The following FLNB variants were observed in gnomAD, a reference collection of about 807,000 sequenced individuals.
FLNB encodes filamin B.
In FLNB, 111 loss-of-function variants were observed where a neutral mutation model predicts 250.6. That is an observed-to-expected ratio of 0.44 (90% CI 0.38 to 0.52). The LOEUF is 0.52. FLNB is among the 20% of genes least tolerant of loss of function. The pLI, the probability that FLNB is intolerant of heterozygous loss-of-function variation, is 0.00. For missense variants in FLNB, 2,869 were observed against 3,447.8 expected, an observed-to-expected ratio of 0.83 and a Z score of 4.20; for synonymous variants, 1,302 against 1,372.1, an observed-to-expected ratio of 0.95 and a Z score of 1.13.
chr3:58,010,253 C>G (rs1459216243), intron 1 of FLNB, among the ~76,000 whole-genome samples: 2 of 152,070 alleles, frequency 1.3e-5, no homozygotes, highest in East Asian at 1.9e-4. Flanking sequence ...CTATAGTGAC[C>G]CTAGTGACAG....
At chr3:58,016,180 C>T (rs1312526141) in intron 1 of FLNB, among the ~76,000 whole-genome samples, 1 of 121,636 alleles carries the variant, frequency 8.2e-6, no homozygotes, top group Admixed American at 9.4e-5. Context: ...CTGCCTGAGC[C>T]TCCCAAGTAG....
chr3:58,104,555 G>A (rs913777965), intron 10 of FLNB, among the ~76,000 whole-genome samples: 6 of 152,182 alleles, frequency 3.9e-5, no homozygotes, highest in African/African-American at 1.4e-4. Context: ...GTGTTTTCCA[G>A]CTCCCCTGGA....
chr3:58,111,096 C>T (rs1356317952), intron 16 of FLNB, among the ~76,000 whole-genome samples: 1 of 152,164 alleles, frequency 6.6e-6, no homozygotes, highest in Non-Finnish European at 1.5e-5. Flanking sequence ...ATGCAGTTAG[C>T]TTCTAGATAT....
intron 33 of FLNB, among the ~76,000 whole-genome samples, 182 bp downstream of exon 33, chr3:58,146,231 T>C (rs1395327118): frequency 6.6e-6 from 1 of 152,268 alleles, no homozygotes; most frequent in Non-Finnish European, 1.5e-5. Flanking sequence ...ACAGACATTT[T>C]TGAAGTCCTT....
chr3:58,019,465 T>G (rs1297998664), intron 1 of FLNB, among the ~76,000 whole-genome samples: 3 of 152,196 alleles, frequency 2.0e-5, no homozygotes, highest in Admixed American at 6.5e-5. Flanking sequence ...CCTCTGCCTC[T>G]TTCTTTTAGG....
chr3:58,055,366 A>G (rs867358646), intron 1 of FLNB, among the ~76,000 whole-genome samples: 1 of 152,102 alleles, frequency 6.6e-6, no homozygotes, highest in Non-Finnish European at 1.5e-5. Context: ...CAGGAGTAAC[A>G]TGAATGATTG....
intron 36 of FLNB, 30 bp downstream of exon 36, chr3:58,148,882 AGCTTGTG>A (rs1332614172): frequency 1.7e-5 from 27 of 1,593,462 alleles, no homozygotes; most frequent in African/African-American, 4.0e-5. Context: ...AGAGGCCCAG[AGCTTGTG>A]GGAACCGACT....
intron 32 of FLNB, among the ~76,000 whole-genome samples, chr3:58,144,380 C>T (rs2097332289): frequency 6.6e-6 from 1 of 152,176 alleles, no homozygotes; most frequent in Non-Finnish European, 1.5e-5. Context: ...GCATGAGCCG[C>T]CACGCCTGGC....
chr3:58,144,337 C>T (rs946396023), intron 32 of FLNB, among the ~76,000 whole-genome samples: 45 of 152,228 alleles, frequency 3.0e-4, no homozygotes, highest in African/African-American at 1.1e-3. Flanking sequence ...AGCAGACCTC[C>T]CGCCTTTGTC....
In FLNB at chr3:58,158,845, T is replaced by C. The variant is rs143276651; in HGVS notation, c.6889-709T>C. 7.1e-4 allele frequency among the ~76,000 whole-genome samples: 108 copies of C among 152,310 alleles called. 1 individual carries two copies. The highest frequency in any genetic ancestry group is 5.6e-3 in the Admixed American group (86 of 15,296). On this transcript the variant is annotated intron_variant, in intron 41 of 45. Coordinates refer to ENST00000295956, the MANE Select transcript of FLNB (RefSeq NM_001457.4). ...CCTCTAAATGCATATTAATATTTAA[T>C]AATAAGCTGACGTTTTCGAGCCTCT...
intron 3 of FLNB, among the ~76,000 whole-genome samples, chr3:58,080,570 C>T (rs1163225780): frequency 6.6e-6 from 1 of 150,654 alleles, no homozygotes; most frequent in African/African-American, 2.5e-5. Flanking sequence ...TCTCAGCTCA[C>T]TGCAACCTCC....
rs762186046 is a variant in FLNB at position 58,145,886 on chromosome 3, A to G, written c.5426-35A>G. On this transcript the variant is annotated intron_variant, in intron 32 of 45. Transcript: ENST00000295956. ...CAGGGTCTTCGTTCACCCCTTAATG[A>G]GCACCAATTTTGTTTGTGTCCTTCG... 2.5e-6 allele frequency: 4 copies of G among 1,613,808 alleles called. No homozygotes were observed. In the East Asian group the frequency reaches 6.7e-5, roughly 27 times the overall value.
intron 1 of FLNB, among the ~76,000 whole-genome samples, chr3:58,070,570 A>C (rs770862812): frequency 1.3e-5 from 2 of 151,794 alleles, no homozygotes; most frequent in Admixed American, 6.6e-5. Flanking sequence ...AGTGCATGGC[A>C]TCCTGTTCCC....
chr3:58,038,014 A>T lies in FLNB; in HGVS notation c.292+29158A>T, dbSNP rs190673673. Among the ~76,000 whole-genome samples the T allele has an allele frequency of 1.3e-3, 197 of 152,104 alleles. 2 individuals carry two copies. The East Asian group carries it at 0.034, about 26-fold the overall frequency. ...GACTTTGAGCCTGAGGCCTGTTCTTATTGTTTGTTTGTTTGTTTGTTTGTT... is the reference window on the plus strand; with the variant it reads ...GACTTTGAGCCTGAGGCCTGTTCTTTTTGTTTGTTTGTTTGTTTGTTTGTT... On this transcript the variant is annotated intron_variant, in intron 1 of 45. Coordinates refer to ENST00000295956, the MANE Select transcript of FLNB (RefSeq NM_001457.4).
chr3:58,112,265 A>T lies in FLNB; in HGVS notation c.2692A>T (p.Ile898Phe). The T allele has an allele frequency of 6.2e-7, 1 of 1,613,998 alleles. No individual in the cohort carries two copies. The highest frequency in any genetic ancestry group is 8.5e-7 in the Non-Finnish European group (1 of 1,180,000). The part of the protein sequence containing the change: ...LPGDAVKDLD[I>F]IDNYDYSHTV... The stretch of plus-strand genomic sequence containing the variant: ...TGGCGATGCAGTGAAGGATTTGGAT[A>T]TCATCGATAATTATGACTACTCTCA... Residue 898 changes from isoleucine (I) to phenylalanine (F), a missense_variant, in exon 18 of 46, where the codon ATC (isoleucine) becomes TTC (phenylalanine). Ile to Phe is a conservative substitution (Grantham distance 21). This residue lies in a region of FLNB where 1,348 missense variants were observed against 1,466.7 expected (regional missense o/e 0.92). Coordinates refer to ENST00000295956, the MANE Select transcript of FLNB (RefSeq NM_001457.4).
At position 58,150,080 on chromosome 3, in the gene FLNB, AC is replaced by A. The variant is rs570151021; in HGVS notation, c.6245-24del. On this transcript the variant is annotated intron_variant, in intron 37 of 45. Transcript: ENST00000295956. ...CTGTGCCTTGGCCTCTGGCCTGCTC[AC>A]AGGAGCCTTCTTGGGTCTTGCAGGG... The A allele has an allele frequency of 1.2e-4, 200 of 1,614,258 alleles. 2 individuals are homozygous for A. The South Asian group carries it at 2.1e-3, about 17-fold the overall frequency.
At chr3:58,038,939 C>T (rs187367637) in intron 1 of FLNB, among the ~76,000 whole-genome samples, 166 of 151,702 alleles carry the variant, frequency 1.1e-3, no homozygotes, top group African/African-American at 3.8e-3. Context: ...TCAAAAGCAA[C>T]AATTGGGCTG....
chr3:58,088,193 A>G lies in FLNB; in HGVS notation c.787+6417A>G, dbSNP rs147097584. On this transcript the variant is annotated intron_variant, in intron 4 of 45. Transcript: ENST00000295956. ...CTCCCGAGTAGCTGAGATTATAGGC[A>G]TCTACCATCACACCTGGCTAATTTT... Among the ~76,000 whole-genome samples the G allele has an allele frequency of 5.5e-3, 836 of 151,756 alleles. 10 individuals are homozygous for G. The highest frequency in any genetic ancestry group is 0.019 in the African/African-American group (789 of 41,334).
intron 13 of FLNB, 149 bp from the exon 14 acceptor site, chr3:58,109,030 G>A (rs900407251): frequency 1.9e-5 from 16 of 857,066 alleles, no homozygotes; most frequent in Middle Eastern, 2.6e-4. Context: ...TTGTCACCGT[G>A]TTGTGAAAAT....
Sources: allele counts gnomAD v4.1 joint callset (sites outside exome capture counted in the v4.1 genomes callset), GRCh38; gene constraint gnomAD v4.1.1; regional missense constraint gnomAD v4.1.1; transcripts MANE v1.5; gene names NCBI Gene and HGNC (gene_info 2026-07-23, HGNC 2026-07-21).